Variants in KIRREL3 observed in about 807,000 individuals in gnomAD.
The protein encoded by KIRREL3 is kin of IRRE-like protein 3.
KIRREL3 carries 36 observed loss-of-function variants against 89.7 expected under a neutral mutation model. The observed-to-expected ratio is 0.40, with a 90% confidence interval of 0.31 to 0.53. The LOEUF is 0.53. Ranked by LOEUF, KIRREL3 falls within the 20% of genes least tolerant of loss-of-function variation. KIRREL3 has a pLI of 0.49. For synonymous variants in KIRREL3, 445 were observed against 441.4 expected (o/e 1.01, Z -0.10); for missense variants, 864 against 1,056.6 (o/e 0.82, Z 2.53).
rs564397526 is a variant in KIRREL3, at chr11:126,992,956, C to T, written c.55+7499G>A. Among the ~76,000 whole-genome samples the T allele has an allele frequency of 9.8e-5, 15 of 152,290 alleles. No homozygotes were observed. In the South Asian group the frequency reaches 3.1e-3, roughly 32 times the overall value. On this transcript the variant is annotated intron_variant, in intron 1 of 16. Transcript: ENST00000525144. Reference sequence around the variant, plus strand: ...AACACATCATTCTGGCATTCATCTACCCACCATCCTTCTGTGCCTCCTCTC... The same window carrying T: ...AACACATCATTCTGGCATTCATCTATCCACCATCCTTCTGTGCCTCCTCTC...
intron 1 of KIRREL3, among the ~76,000 whole-genome samples, chr11:126,971,708 A>G (rs760209032): frequency 1.3e-5 from 2 of 152,194 alleles, no homozygotes; most frequent in Non-Finnish European, 2.9e-5. Context: ...TGTAACCCAA[A>G]TTAGCAAAGG....
intron 7 of KIRREL3, among the ~76,000 whole-genome samples, chr11:126,456,057 T>TTTC (rs147218473): frequency 1.8e-4 from 20 of 109,744 alleles, no homozygotes; most frequent in African/African-American, 3.6e-4. Flanking sequence ...TTTTTTTTTT[T>TTTC]CCTGAGCCTT....
chr11:126,885,675 G>C (rs924574491), intron 1 of KIRREL3, among the ~76,000 whole-genome samples: 2 of 152,104 alleles, frequency 1.3e-5, no homozygotes, highest in Admixed American at 6.6e-5. Context: ...TGGTTACTGG[G>C]CATCCCTTCT....
chr11:126,648,109 C>T lies in KIRREL3; in HGVS notation c.56-85197G>A, dbSNP rs375823712. Among the ~76,000 whole-genome samples the T allele has an allele frequency of 5.9e-4, 90 of 152,220 alleles. 1 individual carries two copies. In the South Asian group the frequency reaches 0.018, roughly 31 times the overall value. ...GATTTGGTTGTTTGAAAGTGTGTAT[C>T]ACCTCCTCCTTCACTTCTTCCTCCT... On this transcript the variant is annotated intron_variant, in intron 1 of 16. Transcript: ENST00000525144.
chr11:126,892,092 G>A lies in KIRREL3; in HGVS notation c.55+108363C>T, dbSNP rs1945947096. ...TCTATCAGTGTCTCTGTGCACCAGA[G>A]AGAGGCCACTTAGCCTCCCTTGGCC... On this transcript the variant is annotated intron_variant, in intron 1 of 16. Transcript: ENST00000525144. This position sits in a 1 kb window ranked among gnomAD's most constrained non-coding sequence, Gnocchi z 5.4. Among the ~76,000 whole-genome samples the A allele has an allele frequency of 6.6e-6, 1 of 152,166 alleles. No individual in the cohort carries two copies. Among genetic ancestry groups the A allele is most frequent in the South Asian group, 2.1e-4 (1 of 4,820 alleles).
intron 4 of KIRREL3, among the ~76,000 whole-genome samples, chr11:126,482,771 C>A (rs553823556): frequency 6.1e-4 from 93 of 152,324 alleles, no homozygotes; most frequent in African/African-American, 2.1e-3. Context: ...CCCTGCCTGG[C>A]TTGGCATCCC....
chr11:126,804,768 T>C (rs1048308451), intron 1 of KIRREL3, among the ~76,000 whole-genome samples: 1 of 152,200 alleles, frequency 6.6e-6, no homozygotes, highest in East Asian at 1.9e-4. Flanking sequence ...ACAACCTTTT[T>C]TCCAAGCAGT....
At chr11:126,858,324 C>T (rs1230200162) in intron 1 of KIRREL3, among the ~76,000 whole-genome samples, 1 of 152,140 alleles carries the variant, frequency 6.6e-6, no homozygotes, top group Non-Finnish European at 1.5e-5. Flanking sequence ...ATTAGTGCTG[C>T]CAAATGCATT....
At chr11:126,832,371 T>C (rs1349971313) in intron 1 of KIRREL3, among the ~76,000 whole-genome samples, 3 of 152,104 alleles carry the variant, frequency 2.0e-5, no homozygotes, top group Non-Finnish European at 4.4e-5. Flanking sequence ...ATGGAGGAAA[T>C]AAACAAACAT....
At chr11:126,688,752 T>C (rs941942675) in intron 1 of KIRREL3, among the ~76,000 whole-genome samples, 1 of 152,220 alleles carries the variant, frequency 6.6e-6, no homozygotes, top group East Asian at 1.9e-4. Flanking sequence ...CCCAGTTTTC[T>C]GTAAGAAGGG....
chr11:126,873,625 G>A (rs1287166320), intron 1 of KIRREL3, among the ~76,000 whole-genome samples: 1 of 152,160 alleles, frequency 6.6e-6, no homozygotes, highest in African/African-American at 2.4e-5. Flanking sequence ...ATTTTTCAAT[G>A]TATTAAAAGC....
In KIRREL3 at chr11:126,748,462, G is replaced by A. The variant is rs1032617507; in HGVS notation, c.56-185550C>T. On this transcript the variant is annotated intron_variant, in intron 1 of 16. Transcript: ENST00000525144. The surrounding 1 kb of genome is among the most constrained non-coding windows in gnomAD (Gnocchi z 4.6). Reference sequence around the variant, plus strand: ...AATAATTCTTGAGCTTGCCTACGGCGAGAATTATTCCCAGCAGGCGTTTCA... The same window carrying A: ...AATAATTCTTGAGCTTGCCTACGGCAAGAATTATTCCCAGCAGGCGTTTCA... 6.6e-6 allele frequency among the ~76,000 whole-genome samples: 1 copy of A among 152,214 alleles called. No homozygotes were observed. The highest frequency in any genetic ancestry group is 1.5e-5 in the Non-Finnish European group (1 of 68,048).
intron 4 of KIRREL3, among the ~76,000 whole-genome samples, chr11:126,499,437 G>T (rs1957782996): frequency 6.6e-6 from 1 of 152,128 alleles, no homozygotes; most frequent in African/African-American, 2.4e-5. Flanking sequence ...CCCATACCCT[G>T]CATGGTTCTG....
intron 1 of KIRREL3, among the ~76,000 whole-genome samples, chr11:126,865,741 G>C (rs185620020): frequency 6.6e-6 from 1 of 152,342 alleles, no homozygotes; most frequent in East Asian, 1.9e-4. Context: ...AGGGACTTGG[G>C]TGGAAGAAAA....
intron 2 of KIRREL3, among the ~76,000 whole-genome samples, chr11:126,532,079 T>A (rs1356831657): frequency 6.6e-6 from 1 of 152,202 alleles, no homozygotes; most frequent in African/African-American, 2.4e-5. Flanking sequence ...TCATGGAAGA[T>A]TTACTTGATG....
chr11:126,478,775 GTGTT>G lies in KIRREL3; in HGVS notation c.434-5313_434-5310del, dbSNP rs1426273377. On this transcript the variant is annotated intron_variant, in intron 4 of 16. Coordinates refer to ENST00000525144, the MANE Select transcript of KIRREL3 (RefSeq NM_032531.4). ...TGTGTGTATATGTGTGTGTATATGTGTGTTTGTGTGTGTGCATGCATGTGTGTGT... is the reference window on the plus strand; with the variant it reads ...TGTGTGTATATGTGTGTGTATATGTGTGTGTGTGTGCATGCATGTGTGTGT... Among the ~76,000 whole-genome samples the G allele has an allele frequency of 5.9e-5, 9 of 152,254 alleles. No individual in the cohort carries two copies. In the East Asian group the frequency reaches 1.7e-3, roughly 29 times the overall value.
intron 5 of KIRREL3, among the ~76,000 whole-genome samples, chr11:126,470,553 C>T (rs573458005): frequency 6.8e-4 from 103 of 152,340 alleles, no homozygotes; most frequent in Middle Eastern, 6.8e-3. Context: ...GGGGACGGGC[C>T]TGCCTCACAT....
rs1438326291 is a variant in KIRREL3, at chr11:126,736,012, A to T, written c.56-173100T>A. Among the ~76,000 whole-genome samples, 1 of 152,214 alleles carries T rather than the reference A, an allele frequency of 6.6e-6. No individual in the cohort carries two copies. Among genetic ancestry groups the T allele is most frequent in the African/African-American group, 2.4e-5 (1 of 41,468 alleles). ...TTACTGCATTTATGAATCCTCAATT[A>T]GTCCTGACTTTGCTTGAGAGTTTTT... On this transcript the variant is annotated intron_variant, in intron 1 of 16. Transcript: ENST00000525144. The surrounding 1 kb of genome is among the most constrained non-coding windows in gnomAD (Gnocchi z 5.0).
At position 126,443,605 on chromosome 11, in the gene KIRREL3, G is replaced by A. The variant is rs947165381; in HGVS notation, c.1252+1374C>T. On this transcript the variant is annotated intron_variant, in intron 10 of 16. Transcript: ENST00000525144. This position sits in a 1 kb window ranked among gnomAD's most constrained non-coding sequence, Gnocchi z 7.3. Reference sequence around the variant, plus strand: ...GGTGGGGGGAGAGGAATGGAAATGCGGGGCAGTGTGGGGGGAGCTGGTGAA... The same window carrying A: ...GGTGGGGGGAGAGGAATGGAAATGCAGGGCAGTGTGGGGGGAGCTGGTGAA... Among the ~76,000 whole-genome samples, 8 of 152,122 alleles carry A rather than the reference G, an allele frequency of 5.3e-5. No individual in the cohort carries two copies. Among genetic ancestry groups the A allele is most frequent in the African/African-American group, 1.7e-4 (7 of 41,510 alleles).
Sources: allele counts gnomAD v4.1 joint callset (sites outside exome capture counted in the v4.1 genomes callset), GRCh38; gene constraint gnomAD v4.1.1; non-coding constraint Gnocchi (gnomAD v3.1); transcripts MANE v1.5; gene names NCBI Gene and HGNC (gene_info 2026-07-23, HGNC 2026-07-21).